The following KCNN2 variants were observed in gnomAD, a reference collection of about 807,000 sequenced individuals.
The protein encoded by KCNN2 is potassium calcium-activated channel subfamily N member 2, also known as small conductance calcium-activated potassium channel protein 2.
A neutral mutation model predicts 55.5 loss-of-function variants in KCNN2; 24 were observed. The ratio of observed to expected loss-of-function variants is 0.43; its 90% confidence interval spans 0.31 to 0.61. The LOEUF (loss-of-function observed/expected upper bound fraction) is 0.61. KCNN2 is among the 20% of genes least tolerant of loss of function. KCNN2 has a pLI of 0.08. For missense variants in KCNN2, 754 were observed against 853.6 expected, an observed-to-expected ratio of 0.88 and a Z score of 1.45; for synonymous variants, 431 against 336.1, an observed-to-expected ratio of 1.28 and a Z score of -3.09.
chr5:114,238,582 C>T (rs999774465), intron 2 of KCNN2, among the ~76,000 whole-genome samples: 2 of 150,256 alleles, frequency 1.3e-5, no homozygotes, highest in Non-Finnish European at 3.0e-5. Flanking sequence ...GCCAAGATCG[C>T]GGCACTGCAC....
At chr5:114,420,722 T>G (rs1245826413) in intron 3 of KCNN2, among the ~76,000 whole-genome samples, 1 of 152,242 alleles carries the variant, frequency 6.6e-6, no homozygotes, top group Admixed American at 6.5e-5. Context: ...TAAGAAAGCA[T>G]TCACAGAACA....
At chr5:114,176,804 G>A (rs1753139298) in intron 1 of KCNN2, among the ~76,000 whole-genome samples, 1 of 152,206 alleles carries the variant, frequency 6.6e-6, no homozygotes, top group African/African-American at 2.4e-5. Flanking sequence ...TTATGAGGGC[G>A]ATGAATAATA....
chr5:114,168,276 T>G (rs529963689), intron 1 of KCNN2, among the ~76,000 whole-genome samples: 1 of 152,086 alleles, frequency 6.6e-6, no homozygotes, highest in South Asian at 2.1e-4. Context: ...TTCCATAGGA[T>G]ATTTATCATT....
chr5:114,156,710 A>G (rs1752642619), intron 1 of KCNN2, among the ~76,000 whole-genome samples: 1 of 152,018 alleles, frequency 6.6e-6, no homozygotes, highest in African/African-American at 2.4e-5. Flanking sequence ...AATGCTGGTG[A>G]TTTGTGCACA....
At chr5:114,082,878 G>C (rs1297794302) in intron 1 of KCNN2, among the ~76,000 whole-genome samples, 4 of 152,178 alleles carry the variant, frequency 2.6e-5, no homozygotes, top group Admixed American at 6.5e-5. Flanking sequence ...GCCACAGAAA[G>C]TAGAATGGTG....
chr5:114,154,749 G>C (rs571631806), intron 1 of KCNN2, among the ~76,000 whole-genome samples: 1 of 151,984 alleles, frequency 6.6e-6, no homozygotes. Context: ...TTTAAACATG[G>C]TATCTCTAGA....
chr5:114,366,312 T>C (rs1292841802), intron 2 of KCNN2, among the ~76,000 whole-genome samples: 1 of 152,210 alleles, frequency 6.6e-6, no homozygotes, highest in East Asian at 1.9e-4. Flanking sequence ...ATGATATATG[T>C]TTTAAAATTC....
chr5:114,127,000 C>T (rs149908064), intron 1 of KCNN2, among the ~76,000 whole-genome samples: 13 of 152,304 alleles, frequency 8.5e-5, no homozygotes, highest in South Asian at 2.1e-4. Context: ...ATCCAGGTCG[C>T]GCTGATGCAA....
chr5:114,356,292 A>T (rs2150041989), intron 2 of KCNN2, among the ~76,000 whole-genome samples: 1 of 152,264 alleles, frequency 6.6e-6, no homozygotes, highest in South Asian at 2.1e-4. Context: ...TTGTTGTGAG[A>T]TGCAAATAAA....
At chr5:114,268,779 T>G (rs1488675233) in intron 2 of KCNN2, among the ~76,000 whole-genome samples, 2 of 152,220 alleles carry the variant, frequency 1.3e-5, no homozygotes, top group Non-Finnish European at 2.9e-5. Flanking sequence ...AATACTGGTT[T>G]ATTTTATTTC....
chr5:114,316,285 A>G (rs1756500783), intron 2 of KCNN2, among the ~76,000 whole-genome samples: 1 of 152,146 alleles, frequency 6.6e-6, no homozygotes, highest in Non-Finnish European at 1.5e-5. Flanking sequence ...CAGAGTCCCA[A>G]AATATAAGAC....
intron 1 of KCNN2, among the ~76,000 whole-genome samples, chr5:114,176,664 A>T (rs1753136345): frequency 2.0e-5 from 3 of 152,188 alleles, no homozygotes; most frequent in Admixed American, 2.0e-4. Context: ...CACATGTCAA[A>T]GGTGTTCTTC....
At chr5:114,273,016 A>G (rs547495264) in intron 2 of KCNN2, among the ~76,000 whole-genome samples, 35 of 152,092 alleles carry the variant, frequency 2.3e-4, no homozygotes, top group African/African-American at 8.4e-4. Flanking sequence ...TCCTCATGAT[A>G]TCTCTCCCCT....
At chr5:114,265,052 T>C (rs1301887175) in intron 2 of KCNN2, among the ~76,000 whole-genome samples, 4 of 152,172 alleles carry the variant, frequency 2.6e-5, no homozygotes, top group Non-Finnish European at 5.9e-5. Flanking sequence ...GAGGGCTTGA[T>C]TGGGATAAAG....
intron 2 of KCNN2, among the ~76,000 whole-genome samples, chr5:114,366,593 A>T (rs1469628223): frequency 6.6e-6 from 1 of 152,248 alleles, no homozygotes; most frequent in Non-Finnish European, 1.5e-5. Flanking sequence ...AAGATGTTCT[A>T]ATTTGTCCAG....
chr5:114,385,827 T>A (rs897204931), intron 2 of KCNN2, among the ~76,000 whole-genome samples: 4 of 151,268 alleles, frequency 2.6e-5, no homozygotes, highest in Admixed American at 2.0e-4. Context: ...TTGTTCAGGT[T>A]TTTTTTTTGC....
chr5:114,140,350 G>A (rs1321362752), intron 1 of KCNN2, among the ~76,000 whole-genome samples: 2 of 152,268 alleles, frequency 1.3e-5, no homozygotes, highest in East Asian at 3.9e-4. Flanking sequence ...ACTGAGTTAT[G>A]GGCTGTGCTG....
chr5:114,348,578 G>T (rs531288031), intron 2 of KCNN2, among the ~76,000 whole-genome samples: 48 of 152,118 alleles, frequency 3.2e-4, no homozygotes, highest in Admixed American at 3.1e-3. Context: ...ATCATTAAGA[G>T]AAATCTAATT....
intron 3 of KCNN2, among the ~76,000 whole-genome samples, chr5:114,420,179 T>A (rs1441996398): frequency 6.6e-6 from 1 of 152,272 alleles, no homozygotes; most frequent in Non-Finnish European, 1.5e-5. Flanking sequence ...GGTCTTGGGA[T>A]GGACTTGGAA....
Sources: allele counts gnomAD v4.1 joint callset (sites outside exome capture counted in the v4.1 genomes callset), GRCh38; gene constraint gnomAD v4.1.1; transcripts MANE v1.5; gene names NCBI Gene and HGNC (gene_info 2026-07-23, HGNC 2026-07-21).